The following MEMO1 variants were observed in gnomAD, a reference collection of about 807,000 sequenced individuals.
MEMO1 encodes the protein protein MEMO1.
Under a neutral mutation model 45.2 loss-of-function variants are expected in MEMO1, and 6 were observed. The observed-to-expected ratio is 0.13, with a 90% confidence interval of 0.07 to 0.26. MEMO1 has a LOEUF of 0.26. MEMO1 is among the 10% of genes least tolerant of loss of function. The pLI is 1.00. For missense variants in MEMO1, 184 were observed against 370.5 expected (o/e 0.50, Z 4.13); for synonymous variants, 78 against 124.3 (o/e 0.63, Z 2.48).
chr2:31,913,248 C>CAAAAAAA (rs3065389), intron 6 of MEMO1, among the ~76,000 whole-genome samples: 2 of 44,394 alleles, frequency 4.5e-5, no homozygotes, highest in Non-Finnish European at 9.7e-5. Context: ...GACTCCGTCT[C>CAAAAAAA]AAAAAAAAAA....
intron 8 of MEMO1, among the ~76,000 whole-genome samples, chr2:31,879,585 T>G (rs1471342303): frequency 1.3e-5 from 2 of 152,216 alleles, no homozygotes. Context: ...ATTTTAAAAT[T>G]TATTATAGCC....
intron 3 of MEMO1, among the ~76,000 whole-genome samples, chr2:31,936,671 C>A (rs542181877): frequency 7.7e-4 from 117 of 152,128 alleles, no homozygotes; most frequent in Non-Finnish European, 1.5e-3. Flanking sequence ...GAAAAATGAC[C>A]AATTACTACA....
intron 2 of MEMO1, among the ~76,000 whole-genome samples, chr2:31,987,920 C>T (rs896289343): frequency 2.6e-5 from 4 of 152,076 alleles, no homozygotes; most frequent in Non-Finnish European, 4.4e-5. Context: ...AAAATAAAAT[C>T]ACCTGTAATT....
chr2:31,950,285 GC>G (rs1666688794), intron 2 of MEMO1, among the ~76,000 whole-genome samples: 1 of 151,812 alleles, frequency 6.6e-6, no homozygotes, highest in African/African-American at 2.4e-5. Context: ...GGAGGCTGAG[GC>G]AGGAGAATCT....
Position 31,983,521 on chromosome 2 carries a change from G to A in MEMO1, c.61+26666C>T, listed in dbSNP as rs531438964. On this transcript the variant is annotated intron_variant, in intron 2 of 9. Transcript: ENST00000404530. ...ACAATCTCGGCTCACTGCGACATCC[G>A]CCTTCCGGGTTCAAGCGGTTCTCCT... 1.1e-3 allele frequency among the ~76,000 whole-genome samples: 164 copies of A among 152,078 alleles called. 1 individual carries two copies. Among genetic ancestry groups the A allele is most frequent in the African/African-American group, 3.9e-3 (160 of 41,490 alleles).
intron 2 of MEMO1, among the ~76,000 whole-genome samples, chr2:31,982,613 G>A (rs1412661486): frequency 3.4e-5 from 5 of 148,960 alleles, no homozygotes; most frequent in South Asian, 2.1e-4. Context: ...AAAAAGATAC[G>A]TATGAAGTTC....
intron 8 of MEMO1, among the ~76,000 whole-genome samples, chr2:31,880,829 G>A (rs1437869811): frequency 1.3e-5 from 2 of 151,996 alleles, no homozygotes; most frequent in Admixed American, 6.6e-5. Context: ...CATCAGCTTA[G>A]ACAACATGGC....
chr2:31,892,779 G>T (rs2147994334), intron 6 of MEMO1, among the ~76,000 whole-genome samples: 1 of 152,160 alleles, frequency 6.6e-6, no homozygotes, highest in East Asian at 1.9e-4. Context: ...AGCAGAAAAA[G>T]ACACCACACC....
At chr2:31,923,791 G>A in intron 4 of MEMO1, 1 of 1,489,426 alleles carries the variant, frequency 6.7e-7, no homozygotes, top group Non-Finnish European at 8.9e-7. Flanking sequence ...TAAATTCAAG[G>A]CATACATAAA....
chr2:31,932,222 C>G (rs1471772322), intron 3 of MEMO1, 87 bp from the exon 4 acceptor site: 12 of 1,046,824 alleles, frequency 1.1e-5, no homozygotes, highest in Non-Finnish European at 1.6e-5. Context: ...AATACAGTAC[C>G]TATGGTAAAC....
At chr2:31,981,255 GT>G (rs1190326721) in intron 2 of MEMO1, among the ~76,000 whole-genome samples, 1 of 152,182 alleles carries the variant, frequency 6.6e-6, no homozygotes, top group Non-Finnish European at 1.5e-5. Context: ...GAGTAAAGTA[GT>G]TAGAGCTCCC....
At chr2:31,950,384 A>C (rs2148355962) in intron 2 of MEMO1, among the ~76,000 whole-genome samples, 1 of 151,722 alleles carries the variant, frequency 6.6e-6, no homozygotes, top group East Asian at 1.9e-4. Context: ...CCGTCAAAAA[A>C]AAAAAACAAA....
intron 2 of MEMO1, among the ~76,000 whole-genome samples, chr2:31,976,015 C>CAA (rs1669964030): frequency 6.6e-6 from 1 of 152,116 alleles, no homozygotes; most frequent in East Asian, 1.9e-4. Context: ...CTCAGCCTCC[C>CAA]GAGTAGCTGG....
chr2:31,977,371 C>G (rs1670125156), intron 2 of MEMO1, among the ~76,000 whole-genome samples: 2 of 152,132 alleles, frequency 1.3e-5, no homozygotes, highest in Non-Finnish European at 2.9e-5. Flanking sequence ...ATCATGTGCA[C>G]TGTATAGTTT....
At chr2:31,876,440 A>C (rs1674574488) in intron 8 of MEMO1, among the ~76,000 whole-genome samples, 1 of 152,180 alleles carries the variant, frequency 6.6e-6, no homozygotes, top group Non-Finnish European at 1.5e-5. Context: ...TCCTACTTGA[A>C]ACTAATTAAT....
intron 3 of MEMO1, among the ~76,000 whole-genome samples, chr2:31,939,226 T>A (rs1466190565): frequency 6.6e-6 from 1 of 152,218 alleles, no homozygotes; most frequent in East Asian, 1.9e-4. Flanking sequence ...AAATTGCCTA[T>A]GAATGCACAT....
At chr2:31,969,476 C>A (rs1055496415) in intron 2 of MEMO1, among the ~76,000 whole-genome samples, 1 of 151,142 alleles carries the variant, frequency 6.6e-6, no homozygotes, top group African/African-American at 2.4e-5. Flanking sequence ...ATAATGATCT[C>A]ATTTTTATAG....
Position 31,956,812 on chromosome 2 carries a change from T to G in MEMO1, c.62-13429A>C, listed in dbSNP as rs570592294. ...CATATATATCATACATGATTATGTA[T>G]TGGTTTGTATTTATGTAGAATATCT... On this transcript the variant is annotated intron_variant, in intron 2 of 9. Transcript: ENST00000404530. 1.2e-3 allele frequency among the ~76,000 whole-genome samples: 188 copies of G among 152,300 alleles called. 6 individuals are homozygous for G. The South Asian group carries it at 0.038, about 31-fold the overall frequency.
chr2:31,915,563 G>GA (rs1051832069), intron 6 of MEMO1, among the ~76,000 whole-genome samples: 2 of 144,330 alleles, frequency 1.4e-5, no homozygotes, highest in East Asian at 4.0e-4. Context: ...ACAGAAGGGG[G>GA]AAAAAAAAAG....
Sources: allele counts gnomAD v4.1 joint callset (sites outside exome capture counted in the v4.1 genomes callset), GRCh38; gene constraint gnomAD v4.1.1; transcripts MANE v1.5; gene names NCBI Gene and HGNC (gene_info 2026-07-23, HGNC 2026-07-21).